The following FAM219A variants were observed in gnomAD, a reference collection of about 807,000 sequenced individuals.
The protein encoded by FAM219A is family with sequence similarity 219 member A.
A neutral mutation model predicts 23.4 loss-of-function variants in FAM219A; 7 were observed. The observed-to-expected ratio is 0.30, with a 90% CI of 0.17 to 0.56. The LOEUF is 0.56. FAM219A is among the 20% of genes least tolerant of loss of function. The pLI, the probability that FAM219A is intolerant of heterozygous loss-of-function variation, is 0.92. For synonymous variants in FAM219A, 93 were observed against 99.0 expected (o/e 0.94, Z 0.36); for missense variants, 166 against 246.9 (o/e 0.67, Z 2.20).
At chr9:34,452,599 C>T (rs975865524) in intron 1 of FAM219A, among the ~76,000 whole-genome samples, 2 of 152,204 alleles carry the variant, frequency 1.3e-5, no homozygotes, top group Non-Finnish European at 2.9e-5. Context: ...GGTCTGTATT[C>T]GTTTTCCAAC....
chr9:34,429,221 G>A (rs77376394), intron 1 of FAM219A, among the ~76,000 whole-genome samples: 2 of 152,186 alleles, frequency 1.3e-5, no homozygotes, highest in Admixed American at 1.3e-4. Context: ...TGACCAGGAG[G>A]TTCTTTGAGG....
At chr9:34,450,875 A>T (rs2132019442) in intron 1 of FAM219A, among the ~76,000 whole-genome samples, 1 of 152,278 alleles carries the variant, frequency 6.6e-6, no homozygotes, top group South Asian at 2.1e-4. Context: ...CTCTTGTCAT[A>T]TGTTTAGACT....
intron 1 of FAM219A, among the ~76,000 whole-genome samples, chr9:34,450,803 TAA>T (rs1229247382): frequency 1.3e-5 from 2 of 152,206 alleles, no homozygotes; most frequent in East Asian, 1.9e-4. Context: ...ATCTGATGGC[TAA>T]ATCAGGCAAA....
In FAM219A at chr9:34,400,983, G is replaced by A; in HGVS notation, c.539C>T (p.Thr180Ile). ...CGCCCGCTACTGAATGTGGCAGGCGGTGGAGGACGTGGCCTGGCAGCACAT... is the reference window on the plus strand; with the variant it reads ...CGCCCGCTACTGAATGTGGCAGGCGATGGAGGACGTGGCCTGGCAGCACAT... ...TCMCCQATSS[T>I]ACHIQ Residue 180 changes from threonine (T) to isoleucine (I), a missense_variant, in exon 6 of 6, where the codon ACC (threonine) becomes ATC (isoleucine). Around this residue, in one of 3 missense-constraint regions of FAM219A, gnomAD observed 72 missense variants for 131.0 expected, o/e 0.55. Transcript: ENST00000651358. The A allele has an allele frequency of 6.4e-7, 1 of 1,557,830 alleles. No homozygotes were observed. The highest frequency in any genetic ancestry group is 8.7e-7 in the Non-Finnish European group (1 of 1,147,996).
chr9:34,405,971 G>A lies in FAM219A; in HGVS notation c.61-7C>T. 6.2e-7 allele frequency: 1 copy of A among 1,606,146 alleles called. No homozygotes were observed. Among genetic ancestry groups the A allele is most frequent in the Non-Finnish European group, 8.5e-7 (1 of 1,175,552 alleles). ...TGGAGGCGGCGGCTGGGTCCTGTGG[G>A]GAGAAAGCAGTAAGACAGAGAGTTG... is the stretch of plus-strand genomic sequence containing the variant. On this transcript the variant is annotated splice_region_variant and splice_polypyrimidine_tract_variant and intron_variant, in intron 1 of 5. Transcript: ENST00000651358.
chr9:34,434,307 G>C (rs1018608449), intron 1 of FAM219A, among the ~76,000 whole-genome samples: 5 of 150,536 alleles, frequency 3.3e-5, no homozygotes, highest in Non-Finnish European at 7.4e-5. Flanking sequence ...AACAGATTTA[G>C]AGACATGCTT....
intron 1 of FAM219A, among the ~76,000 whole-genome samples, chr9:34,420,322 C>T (rs1406577134): frequency 6.6e-6 from 1 of 152,090 alleles, no homozygotes; most frequent in Non-Finnish European, 1.5e-5. Context: ...ATAATGGTAG[C>T]GATATTATCT....
intron 1 of FAM219A, among the ~76,000 whole-genome samples, chr9:34,407,114 T>C (rs1460258471): frequency 1.3e-5 from 2 of 152,066 alleles, no homozygotes; most frequent in Admixed American, 1.3e-4. Context: ...AGTCCTTATC[T>C]AGCCTTGCCA....
chr9:34,437,929 A>AGGCGCGAGCGGGAACCCGGGCTGCGCGT (rs1822984242), intron 1 of FAM219A, among the ~76,000 whole-genome samples: 3 of 152,122 alleles, frequency 2.0e-5, no homozygotes, highest in Non-Finnish European at 4.4e-5. Context: ...GTGGAGGGAG[A>AGGCGCGAGCGGGAACCCGGGCTGCGCGT]GGCGCGAGCG....
intron 1 of FAM219A, among the ~76,000 whole-genome samples, chr9:34,447,531 G>A (rs1823415879): frequency 6.6e-6 from 1 of 152,166 alleles, no homozygotes; most frequent in Admixed American, 6.5e-5. Context: ...GAAAAAGCAG[G>A]CCTATTTAGC....
At chr9:34,426,902 C>T (rs1241211922) in intron 1 of FAM219A, among the ~76,000 whole-genome samples, 1 of 152,068 alleles carries the variant, frequency 6.6e-6, no homozygotes, top group Non-Finnish European at 1.5e-5. Context: ...CTGTGAGGCC[C>T]CTGCTGCTAG....
intron 1 of FAM219A, among the ~76,000 whole-genome samples, chr9:34,409,218 C>T (rs188702974): frequency 3.3e-5 from 5 of 152,386 alleles, no homozygotes; most frequent in Admixed American, 6.5e-5. Flanking sequence ...TAGTGGCAAG[C>T]ACAAAGATCT....
intron 1 of FAM219A, among the ~76,000 whole-genome samples, chr9:34,415,916 T>C (rs543010172): frequency 5.1e-4 from 78 of 152,200 alleles, no homozygotes; most frequent in African/African-American, 1.8e-3. Flanking sequence ...AGTCTCTGGT[T>C]CTAGAGCCTG....
At chr9:34,443,689 A>T (rs1157442061) in intron 1 of FAM219A, among the ~76,000 whole-genome samples, 1 of 152,204 alleles carries the variant, frequency 6.6e-6, no homozygotes, top group African/African-American at 2.4e-5. Flanking sequence ...TAGCTAGGAT[A>T]TACCCAGCCT....
At chr9:34,434,408 G>C (rs1346942315) in intron 1 of FAM219A, among the ~76,000 whole-genome samples, 1 of 151,922 alleles carries the variant, frequency 6.6e-6, no homozygotes, top group Non-Finnish European at 1.5e-5. Context: ...AAATTTCAAG[G>C]CTTTTTCCTC....
chr9:34,420,187 G>A (rs560479831), intron 1 of FAM219A, among the ~76,000 whole-genome samples: 2 of 150,354 alleles, frequency 1.3e-5, no homozygotes, highest in Admixed American at 6.6e-5. Flanking sequence ...ACCAAGCCCT[G>A]GTTCTTGCCA....
chr9:34,405,997 T>G, intron 1 of FAM219A, 33 bp from the exon 2 acceptor site: 1 of 1,576,578 alleles, frequency 6.3e-7, no homozygotes, highest in Non-Finnish European at 8.6e-7. Context: ...CAGAGAGTTG[T>G]TAGGGAGTGA....
intron 1 of FAM219A, among the ~76,000 whole-genome samples, chr9:34,433,148 A>C (rs1159372844): frequency 6.6e-6 from 1 of 152,226 alleles, no homozygotes; most frequent in African/African-American, 2.4e-5. Context: ...TCATGTATTT[A>C]TATCAGTATG....
chr9:34,405,851 C>G lies in FAM219A; in HGVS notation c.160+14G>C, dbSNP rs754776950. On this transcript the variant is annotated intron_variant, in intron 2 of 5. Transcript: ENST00000651358. ...CTACTCCCCACATCTCCCTCACCCC[C>G]CAGACACACTCACCCAGCTTCACTT... 1.2e-6 allele frequency: 2 copies of G among 1,613,508 alleles called. No individual in the cohort carries two copies. The highest frequency in any genetic ancestry group is 3.3e-5 in the Admixed American group (2 of 59,956).
Sources: allele counts gnomAD v4.1 joint callset (sites outside exome capture counted in the v4.1 genomes callset), GRCh38; gene constraint gnomAD v4.1.1; regional missense constraint gnomAD v4.1.1; transcripts MANE v1.5; gene names NCBI Gene and HGNC (gene_info 2026-07-23, HGNC 2026-07-21).